RARB: variants seen among roughly 807,000 people sequenced by gnomAD.
RARB encodes retinoic acid receptor beta.
A neutral mutation model predicts 51.9 loss-of-function variants in RARB; 17 were observed. The observed-to-expected ratio is 0.33, with a 90% CI of 0.22 to 0.49. RARB has a LOEUF of 0.49. Ranked by LOEUF, RARB falls within the 20% of genes least tolerant of loss-of-function variation. The pLI is 0.99. For missense variants in RARB, 369 were observed against 550.8 expected, an observed-to-expected ratio of 0.67 and a Z score of 3.30; for synonymous variants, 215 against 195.4, an observed-to-expected ratio of 1.10 and a Z score of -0.84.
chr3:25,532,200 A>G (rs530284463), intron 3 of RARB, among the ~76,000 whole-genome samples: 1 of 152,356 alleles, frequency 6.6e-6, no homozygotes, highest in South Asian at 2.1e-4. Flanking sequence ...TACACATTCC[A>G]TAATTATGGT....
chr3:24,928,731 T>C (rs1178656622), intron 2 of RARB, among the ~76,000 whole-genome samples: 1 of 152,054 alleles, frequency 6.6e-6, no homozygotes, highest in Non-Finnish European at 1.5e-5. Context: ...TAATTCACTT[T>C]CTCAGCTCCC....
chr3:25,522,434 C>G (rs572973644), intron 3 of RARB, among the ~76,000 whole-genome samples: 63 of 152,158 alleles, frequency 4.1e-4, no homozygotes, highest in Non-Finnish European at 8.4e-4. Context: ...CCGCTTGTCT[C>G]TGGCTTTTCA....
At chr3:24,933,585 C>G (rs528789703) in intron 2 of RARB, among the ~76,000 whole-genome samples, 1 of 152,088 alleles carries the variant, frequency 6.6e-6, no homozygotes, top group Non-Finnish European at 1.5e-5. Flanking sequence ...CAAATGAGGA[C>G]TCTACAGCTA....
intron 3 of RARB, among the ~76,000 whole-genome samples, chr3:25,567,085 C>G (rs1286729): frequency 6.6e-6 from 1 of 152,062 alleles, no homozygotes; most frequent in Non-Finnish European, 1.5e-5. Context: ...TCAAACAGTT[C>G]CTGGTATTTA....
At chr3:25,112,436 G>T (rs1699618722) in intron 3 of RARB, among the ~76,000 whole-genome samples, 1 of 152,004 alleles carries the variant, frequency 6.6e-6, no homozygotes, top group Non-Finnish European at 1.5e-5. Context: ...TATATGTTTT[G>T]TTTTTTCTCA....
chr3:25,349,927 A>G (rs1705508834), intron 5 of RARB, among the ~76,000 whole-genome samples: 1 of 151,772 alleles, frequency 6.6e-6, no homozygotes, highest in Admixed American at 6.6e-5. Flanking sequence ...AATGGGCTTC[A>G]CTCACTTTGA....
intron 4 of RARB, among the ~76,000 whole-genome samples, chr3:25,579,680 C>T (rs1701086828): frequency 6.6e-6 from 1 of 152,154 alleles, no homozygotes. Flanking sequence ...GTTTTTCTCT[C>T]TTGCAATGTT....
In RARB at chr3:25,254,106, G is replaced by A. The variant is rs543607096; in HGVS notation, c.178+79531G>A. 7.9e-5 allele frequency among the ~76,000 whole-genome samples: 12 copies of A among 152,278 alleles called. No individual in the cohort carries two copies. The East Asian group carries it at 2.1e-3, about 27-fold the overall frequency. On this transcript the variant is annotated intron_variant, in intron 5 of 11. Coordinates refer to the RARB transcript ENST00000383772. Reference sequence around the variant, plus strand: ...AACCAATACAGACCAATCTGTCTAAGAGAAGAGTTGAAATAAAATGTCAAC... The same window carrying A: ...AACCAATACAGACCAATCTGTCTAAAAGAAGAGTTGAAATAAAATGTCAAC...
chr3:25,185,419 G>C (rs1018110143), intron 5 of RARB, among the ~76,000 whole-genome samples: 2 of 151,966 alleles, frequency 1.3e-5, no homozygotes, highest in African/African-American at 2.4e-5. Flanking sequence ...CTCTAATAAT[G>C]CTTGACTTAA....
chr3:25,084,416 CTT>C (rs902154895), intron 3 of RARB, among the ~76,000 whole-genome samples: 2 of 145,486 alleles, frequency 1.4e-5, no homozygotes. Context: ...GTGTACAAAA[CTT>C]TTTTTTTTTG....
At chr3:25,397,678 T>A (rs548952953) in intron 5 of RARB, among the ~76,000 whole-genome samples, 18 of 152,356 alleles carry the variant, frequency 1.2e-4, no homozygotes, top group South Asian at 1.0e-3. Flanking sequence ...GTTCCAAGCA[T>A]ACATATATTT....
chr3:25,439,117 T>C (rs906504440), intron 1 of RARB, among the ~76,000 whole-genome samples: 2 of 152,202 alleles, frequency 1.3e-5, no homozygotes, highest in African/African-American at 4.8e-5. Context: ...GTAACCCTTA[T>C]CTAAAGATGG....
At chr3:25,212,408 A>T (rs1341011812) in intron 5 of RARB, among the ~76,000 whole-genome samples, 1 of 152,214 alleles carries the variant, frequency 6.6e-6, no homozygotes, top group Non-Finnish European at 1.5e-5. Context: ...TCACAAGGTC[A>T]GGAGTTCAAG....
At chr3:25,189,078 C>A (rs1701040774) in intron 5 of RARB, among the ~76,000 whole-genome samples, 1 of 152,116 alleles carries the variant, frequency 6.6e-6, no homozygotes, top group Admixed American at 6.6e-5. Context: ...TGCAGAGAAG[C>A]ACAAATGACT....
At chr3:25,428,920 G>GA (rs538896356) in intron 1 of RARB, 32 bp downstream of exon 1, 4,139 of 1,441,480 alleles carry the variant, frequency 2.9e-3, no homozygotes, top group South Asian at 6.2e-3. Context: ...CTTCTACCAA[G>GA]AAAAAAAAAA....
At chr3:25,119,083 A>G (rs1386250998) in intron 3 of RARB, among the ~76,000 whole-genome samples, 1 of 152,204 alleles carries the variant, frequency 6.6e-6, no homozygotes, top group Non-Finnish European at 1.5e-5. Context: ...TAGGAACAGT[A>G]AATCTTTATT....
chr3:24,987,564 T>C (rs1696821289), intron 2 of RARB, among the ~76,000 whole-genome samples: 1 of 152,240 alleles, frequency 6.6e-6, no homozygotes, highest in Admixed American at 6.5e-5. Context: ...ATTAGAAATA[T>C]ATTCCATTTT....
intron 5 of RARB, among the ~76,000 whole-genome samples, chr3:25,417,638 G>A (rs567668238): frequency 9.9e-5 from 15 of 152,262 alleles, no homozygotes; most frequent in East Asian, 9.6e-4. Flanking sequence ...CTGTGAGTCC[G>A]TTAAATCTCT....
intron 5 of RARB, among the ~76,000 whole-genome samples, chr3:25,362,463 C>G (rs977275478): frequency 2.0e-5 from 3 of 152,174 alleles, no homozygotes; most frequent in Non-Finnish European, 2.9e-5. Flanking sequence ...GGCTTCAGCC[C>G]CCTTTCCAGG....
Sources: allele counts gnomAD v4.1 joint callset (sites outside exome capture counted in the v4.1 genomes callset), GRCh38; gene constraint gnomAD v4.1.1; transcripts MANE v1.5; gene names NCBI Gene and HGNC (gene_info 2026-07-23, HGNC 2026-07-21).